Variants in SCARB2 observed in about 807,000 individuals in gnomAD.
SCARB2 encodes lysosome membrane protein 2.
Under a neutral mutation model 58.6 loss-of-function variants are expected in SCARB2, and 29 were observed. The ratio of observed to expected loss-of-function variants is 0.49; its 90% CI spans 0.37 to 0.67. The LOEUF is 0.67. SCARB2 is among the 30% of genes least tolerant of loss of function. The pLI is 0.00. For synonymous variants in SCARB2, 195 were observed against 210.1 expected (o/e 0.93, Z 0.62); for missense variants, 488 against 578.5 (o/e 0.84, Z 1.60).
At chr4:76,170,538 G>GT (rs1167271268) in intron 7 of SCARB2, among the ~76,000 whole-genome samples, 1 of 151,340 alleles carries the variant, frequency 6.6e-6, no homozygotes, top group Admixed American at 6.6e-5. Flanking sequence ...ATTTTTGGTG[G>GT]TTTTTTGTTT....
chr4:76,195,498 A>T (rs1732692975), intron 2 of SCARB2: 13 of 582,450 alleles, frequency 2.2e-5, no homozygotes, highest in South Asian at 2.2e-4. Context: ...TTCAAAACAC[A>T]ACACGCTGAG....
intron 7 of SCARB2, among the ~76,000 whole-genome samples, chr4:76,170,881 A>G (rs1254586554): frequency 6.6e-6 from 1 of 151,476 alleles, no homozygotes; most frequent in Non-Finnish European, 1.5e-5. Context: ...CCAGATCACA[A>G]AGATTCTGGG....
At chr4:76,207,857 A>G (rs1732960009) in intron 1 of SCARB2, among the ~76,000 whole-genome samples, 1 of 152,218 alleles carries the variant, frequency 6.6e-6, no homozygotes, top group African/African-American at 2.4e-5. Flanking sequence ...TTCCACAGGC[A>G]GGAATCTTCC....
At chr4:76,168,956 G>C (rs1243492233) in intron 8 of SCARB2, among the ~76,000 whole-genome samples, 1 of 152,212 alleles carries the variant, frequency 6.6e-6, no homozygotes, top group African/African-American at 2.4e-5. Context: ...CACAGCTGCA[G>C]CACTTGTCAT....
chr4:76,168,312 G>A (rs779714812), intron 9 of SCARB2, 91 bp downstream of exon 9: 379 of 965,926 alleles, frequency 3.9e-4, no homozygotes, highest in Non-Finnish European at 5.7e-4. Flanking sequence ...AGGCTTAGAT[G>A]AAGTAGGCTG....
chr4:76,204,678 G>A (rs1467113348), intron 1 of SCARB2, among the ~76,000 whole-genome samples: 2 of 152,104 alleles, frequency 1.3e-5, no homozygotes, highest in Non-Finnish European at 2.9e-5. Context: ...GAGTGGGGAG[G>A]CGGGTGAGAA....
chr4:76,179,244 G>A (rs1349121963), intron 4 of SCARB2: 1 of 426,552 alleles, frequency 2.3e-6, no homozygotes, highest in Admixed American at 3.5e-5. Flanking sequence ...AGTAGAGATA[G>A]AGTTTTGCCA....
chr4:76,213,433 G>C lies in SCARB2; in HGVS notation c.111C>G (p.Ile37Met). 3 of 1,607,716 alleles carry C rather than the reference G, an allele frequency of 1.9e-6. No homozygotes were observed. Among genetic ancestry groups the C allele is most frequent in the Non-Finnish European group, 1.7e-6 (2 of 1,176,026 alleles). The change falls in exon 1 of 12, where the codon ATC becomes ATG. Residue 37 changes from isoleucine to methionine, a missense_variant. Coordinates refer to ENST00000264896, the MANE Select transcript of SCARB2 (RefSeq NM_005506.4). ...ACAGCCCGCCCCGCCTCACCTTCTC[G>C]ATACTCTGGTCTACAGCCTTCTGGA... is the stretch of plus-strand genomic sequence containing the variant. ...RVFQKAVDQS[I>M]EKKIVLRNGT...
intron 1 of SCARB2, among the ~76,000 whole-genome samples, chr4:76,220,779 G>GT (rs1733293041): frequency 6.6e-6 from 1 of 152,162 alleles, no homozygotes; most frequent in Non-Finnish European, 1.5e-5. Context: ...AGTTCTGGCA[G>GT]TTTTTTACCC....
At chr4:76,217,720 C>T (rs569202794), upstream of SCARB2, 98 of 537,098 alleles carry the variant, frequency 1.8e-4, no homozygotes, top group Non-Finnish European at 2.9e-4. Flanking sequence ...CAGACAAGGG[C>T]GGAAAATGAG....
intron 7 of SCARB2, 108 bp downstream of exon 7, chr4:76,174,036 G>T: frequency 7.3e-7 from 1 of 1,371,950 alleles, no homozygotes; most frequent in Non-Finnish European, 1.0e-6. Flanking sequence ...ATCCTTAGTA[G>T]CTGGGACTGT....
chr4:76,204,086 G>C (rs967858938), intron 1 of SCARB2, among the ~76,000 whole-genome samples: 2 of 152,172 alleles, frequency 1.3e-5, no homozygotes, highest in African/African-American at 2.4e-5. Flanking sequence ...ATTGTGTATG[G>C]ATGGTATATT....
Position 76,195,709 on chromosome 4 carries a change from G to A in SCARB2, c.273C>T (p.Tyr91=), listed in dbSNP as rs1224373098. The A allele has an allele frequency of 6.2e-7, 1 of 1,613,738 alleles. No homozygotes were observed. Among genetic ancestry groups the A allele is most frequent in the East Asian group, 2.2e-5 (1 of 44,876 alleles). ...GACAGGAGGTGGTCAAGACTTACCT[G>A]TAGGTGTATGGCCCCACTTCTTCCA... ...PRVEEVGPYT[Y]RELRNKANIQ... is the part of the protein sequence containing the mutation. Residue 91 remains tyrosine (Y), a splice_region_variant and synonymous_variant, in exon 2 of 12, where the codon TAC becomes TAT. Transcript: ENST00000264896.
intron 1 of SCARB2, among the ~76,000 whole-genome samples, chr4:76,197,522 C>T (rs1322135596): frequency 6.7e-6 from 1 of 148,194 alleles, no homozygotes; most frequent in Non-Finnish European, 1.5e-5. Context: ...GAGCTGGCTG[C>T]ACACCCACAT....
intron 7 of SCARB2, among the ~76,000 whole-genome samples, chr4:76,170,296 T>C (rs564152655): frequency 7.2e-5 from 11 of 152,214 alleles, no homozygotes; most frequent in Non-Finnish European, 1.6e-4. Flanking sequence ...TTTTATTTAA[T>C]GCTCCCAACA....
At chr4:76,185,397 T>G (rs1211247855) in intron 2 of SCARB2, among the ~76,000 whole-genome samples, 1 of 152,200 alleles carries the variant, frequency 6.6e-6, no homozygotes, top group Non-Finnish European at 1.5e-5. Context: ...GCCTAGGCAA[T>G]TAATCAAGGA....
At position 76,194,368 on chromosome 4, in the gene SCARB2, A is replaced by G. The variant is rs1732665906; in HGVS notation, c.275+1339T>C. ...AGGCACTAGTCTAAGCACTTTATAC[A>G]TGACTCATTGACTCAATCTTTGTAA... On this transcript the variant is annotated intron_variant, in intron 2 of 11. Coordinates refer to ENST00000264896, the MANE Select transcript of SCARB2 (RefSeq NM_005506.4). 4 of 137,956 alleles carry G rather than the reference A, an allele frequency of 2.9e-5. No homozygotes were observed. The South Asian group carries it at 8.4e-4, about 29-fold the overall frequency. The allele number at this position is 137,956 out of a possible 1,614,324, so 8.5% of individuals were successfully genotyped here. A position where few individuals can be genotyped will look rare whatever the true frequency, so the allele number is the denominator to read the frequency against.
At position 76,175,539 on chromosome 4, in the gene SCARB2, TAC is replaced by T; in HGVS notation, c.824+250_824+251del. 9.9e-6 allele frequency: 5 copies of T among 504,992 alleles called. No individual in the cohort carries two copies. The South Asian group carries it at 1.0e-4, about 10-fold the overall frequency. The allele number at this position is 504,992 out of a possible 1,614,324, so 31.3% of individuals were successfully genotyped here. A position where few individuals can be genotyped will look rare whatever the true frequency, so the allele number is the denominator to read the frequency against. The stretch of plus-strand genomic sequence containing the variant: ...TGTTTTACAAATAAGGAAAGTGAGG[TAC>T]AGAGTGGTTAAGTAATTTGCCCAAG... On this transcript the variant is annotated intron_variant, in intron 6 of 11. Transcript: ENST00000264896.
chr4:76,164,959 AT>A (rs2109933220), intron 10 of SCARB2: 1 of 152,106 alleles, frequency 6.6e-6, no homozygotes, highest in East Asian at 1.9e-4. Flanking sequence ...CTAATATTTT[AT>A]TTTTCTAGAG....
Sources: gnomAD v4.1 joint callset for allele counts (sites outside exome capture counted in the v4.1 genomes callset) on GRCh38, gnomAD v4.1.1 for gene constraint, MANE v1.5 for transcripts, NCBI Gene and HGNC (gene_info 2026-07-23, HGNC 2026-07-21) for gene names.